Variants in KCNQ1 observed in about 807,000 individuals in gnomAD.
KCNQ1 encodes potassium voltage-gated channel subfamily Q member 1.
Under a neutral mutation model 72.4 loss-of-function variants are expected in KCNQ1, and 49 were observed. The observed-to-expected ratio is 0.68, with a 90% CI of 0.54 to 0.86. The LOEUF is 0.86. Ranked by LOEUF, KCNQ1 falls within the 40% of genes least tolerant of loss-of-function variation. The probability of loss-of-function intolerance (pLI) is 0.00; values close to 1 mark genes in which losing one functional copy is unlikely to be tolerated. For missense variants in KCNQ1, 790 were observed against 945.1 expected, an observed-to-expected ratio of 0.84 and a Z score of 2.15; for synonymous variants, 450 against 412.6, an observed-to-expected ratio of 1.09 and a Z score of -1.10.
intron 15 of KCNQ1, among the ~76,000 whole-genome samples, chr11:2,805,288 C>A (rs1168337004): frequency 6.6e-6 from 1 of 152,214 alleles, no homozygotes; most frequent in African/African-American, 2.4e-5. Context: ...CTGCACAGGG[C>A]CCCTCCCTGC....
Position 2,653,586 on chromosome 11 carries a change from CT to C in KCNQ1, c.1394-8373del, listed in dbSNP as rs1290763436. The C allele has an allele frequency of 1.0e-5, 4 of 398,612 alleles. No individual in the cohort carries two copies. The highest frequency in any genetic ancestry group is 1.8e-5 in the Non-Finnish European group (4 of 226,142). 24.7% of individuals were successfully genotyped at this position (398,612 alleles called of 1,614,324 possible). A position where few individuals can be genotyped will look rare whatever the true frequency, so the allele number is the denominator to read the frequency against. Reference sequence around the variant, plus strand: ...GTTCCCTCTTTTGTTCTCCCTTTCCCTTGCTCTCTATCCATTGGCCCCATGG... The same window carrying C: ...GTTCCCTCTTTTGTTCTCCCTTTCCCTGCTCTCTATCCATTGGCCCCATGG... On this transcript the variant is annotated intron_variant, in intron 10 of 15. Transcript: ENST00000155840. The surrounding 1 kb of genome is among the most constrained non-coding windows in gnomAD (Gnocchi z 5.3).
At chr11:2,596,142 A>G (rs1848730011) in intron 10 of KCNQ1, among the ~76,000 whole-genome samples, 1 of 152,232 alleles carries the variant, frequency 6.6e-6, no homozygotes, top group South Asian at 2.1e-4. Flanking sequence ...CCACGGCCCA[A>G]TTATTATATT....
rs759261605 is a variant in KCNQ1 at position 2,602,014 on chromosome 11, G to C, written c.1393+13160G>C. Among the ~76,000 whole-genome samples the C allele has an allele frequency of 6.6e-6, 1 of 152,122 alleles. No individual in the cohort carries two copies. Among genetic ancestry groups the C allele is most frequent in the African/African-American group, 2.4e-5 (1 of 41,400 alleles). On this transcript the variant is annotated intron_variant, in intron 10 of 15. Transcript: ENST00000155840. The surrounding 1 kb of genome is among the most constrained non-coding windows in gnomAD (Gnocchi z 4.8). ...CATCCTGGGTTATCTGAATGGGCCC[G>C]GTGTAATCACAAGGGTCCTTATAAC...
chr11:2,692,209 C>A, intron 11 of KCNQ1: 1 of 398,894 alleles, frequency 2.5e-6, no homozygotes, highest in Admixed American at 4.4e-5. Flanking sequence ...TTCCGATACA[C>A]CCGCTTCCTC....
chr11:2,657,710 T>G lies in KCNQ1; in HGVS notation c.1394-4251T>G. ...GTTCCAAGATCCCATCTAGGATCGA[T>G]CATTACATTTATTGTCATCTCTGAT... On this transcript the variant is annotated intron_variant, in intron 10 of 15. Transcript: ENST00000155840. The surrounding 1 kb of genome is among the most constrained non-coding windows in gnomAD (Gnocchi z 4.8). 2.5e-6 allele frequency: 1 copy of G among 398,680 alleles called. No homozygotes were observed. 24.7% of individuals were successfully genotyped at this position (398,680 alleles called of 1,614,324 possible). A position where few individuals can be genotyped will look rare whatever the true frequency, so the allele number is the denominator to read the frequency against.
At chr11:2,807,367 C>G (rs994575304) in intron 15 of KCNQ1, among the ~76,000 whole-genome samples, 1 of 152,146 alleles carries the variant, frequency 6.6e-6, no homozygotes, top group Non-Finnish European at 1.5e-5. Flanking sequence ...CTTTGATGTC[C>G]GGGACCAGAT....
chr11:2,571,225 C>T lies in KCNQ1; in HGVS notation c.605-100C>T, dbSNP rs962403786. The T allele has an allele frequency of 9.1e-6, 9 of 994,308 alleles. No individual in the cohort carries two copies. The African/African-American group carries it at 1.3e-4, about 14-fold the overall frequency. 61.6% of individuals were successfully genotyped at this position (994,308 alleles called of 1,614,324 possible). On this transcript the variant is annotated intron_variant, in intron 3 of 15. Transcript: ENST00000155840. ...GGTCATCAGGGCGTGACCCGTCTGA[C>T]CAGCAAGCCCCTTCCCCAGACGAGA...
intron 11 of KCNQ1, among the ~76,000 whole-genome samples, chr11:2,736,310 G>A (rs770819334): frequency 3.9e-5 from 6 of 152,262 alleles, no homozygotes; most frequent in Admixed American, 6.5e-5. Context: ...AGCTTGGGCC[G>A]TATCTGGGAT....
chr11:2,514,119 C>T (rs576942026), intron 1 of KCNQ1, among the ~76,000 whole-genome samples: 14 of 152,356 alleles, frequency 9.2e-5, no homozygotes, highest in East Asian at 5.8e-4. Context: ...TGGCCCTCCA[C>T]GGAGTGGGAG....
chr11:2,496,306 G>A (rs1198553169), intron 1 of KCNQ1, among the ~76,000 whole-genome samples: 2 of 151,822 alleles, frequency 1.3e-5, no homozygotes, highest in East Asian at 1.9e-4. Flanking sequence ...GCATGGTGGC[G>A]GGCACCTGTA....
At chr11:2,684,237 C>G (rs1850447483) in intron 11 of KCNQ1, 1 of 398,564 alleles carries the variant, frequency 2.5e-6, no homozygotes, top group Non-Finnish European at 4.4e-6. Flanking sequence ...CTGACCCTAC[C>G]CAGTACCTTC....
intron 15 of KCNQ1, among the ~76,000 whole-genome samples, chr11:2,829,388 G>A (rs879799138): frequency 6.6e-6 from 1 of 152,154 alleles, no homozygotes; most frequent in Non-Finnish European, 1.5e-5. Flanking sequence ...CTTACAGAAA[G>A]TTCAAGAATG....
chr11:2,525,901 C>A (rs1847494827), intron 1 of KCNQ1, among the ~76,000 whole-genome samples: 1 of 152,210 alleles, frequency 6.6e-6, no homozygotes, highest in Non-Finnish European at 1.5e-5. Context: ...CCCACAGCCC[C>A]ACTCTTGGGG....
rs1850508070 is a variant in KCNQ1 at position 2,687,359 on chromosome 11, C to T, written c.1514+25278C>T. 1 of 398,576 alleles carries T rather than the reference C, an allele frequency of 2.5e-6. No individual in the cohort carries two copies. Among genetic ancestry groups the T allele is most frequent in the African/African-American group, 2.1e-5 (1 of 48,640 alleles). The allele number at this position is 398,576 out of a possible 1,614,324, so 24.7% of individuals were successfully genotyped here. ...CAGAGGCTGAGGTAGCCAGGTCTGC[C>T]TTGGGCTGTCACTCAGGGCTGAGCT... On this transcript the variant is annotated intron_variant, in intron 11 of 15. Coordinates refer to ENST00000155840, the MANE Select transcript of KCNQ1 (RefSeq NM_000218.3). This position sits in a 1 kb window ranked among gnomAD's most constrained non-coding sequence, Gnocchi z 5.0.
rs1229942664 is a variant in KCNQ1, at chr11:2,682,477, A to AGTGAGTGG, written c.1514+20403_1514+20404insGGTGAGTG. ...ACGGACCCTCAGTGAATGTTTGACGAGTGAGTGAGTGAGTGAGTGAGTGAG... is the reference window on the plus strand; with the variant it reads ...ACGGACCCTCAGTGAATGTTTGACGAGTGAGTGGGTGAGTGAGTGAGTGAGTGAGTGAG... On this transcript the variant is annotated intron_variant, in intron 11 of 15. Transcript: ENST00000155840. The surrounding 1 kb of genome is among the most constrained non-coding windows in gnomAD (Gnocchi z 5.8). 2.6e-6 allele frequency: 1 copy of AGTGAGTGG among 378,510 alleles called. No individual in the cohort carries two copies. Among genetic ancestry groups the AGTGAGTGG allele is most frequent in the Non-Finnish European group, 4.7e-6 (1 of 212,344 alleles). The allele number at this position is 378,510 out of a possible 1,614,324, so 23.4% of individuals were successfully genotyped here.
In KCNQ1 at chr11:2,583,710, C is replaced by T. The variant is rs143907769; in HGVS notation, c.1032+165C>T. On this transcript the variant is annotated intron_variant, in intron 7 of 15. Transcript: ENST00000155840. ...AGAGCCCCACCTGCCCTCCCTGGGG[C>T]CCTGGATGCAGACTTCCCGTTTGCA... Among the ~76,000 whole-genome samples the T allele has an allele frequency of 5.2e-3, 797 of 152,346 alleles. 3 individuals carry two copies. Among genetic ancestry groups the T allele is most frequent in the African/African-American group, 0.015 (623 of 41,590 alleles).
At chr11:2,729,055 T>C (rs1845809084) in intron 11 of KCNQ1, among the ~76,000 whole-genome samples, 1 of 152,220 alleles carries the variant, frequency 6.6e-6, no homozygotes, top group Non-Finnish European at 1.5e-5. Context: ...AGCCCGTTTA[T>C]GTAGCACACT....
rs777986556 is a variant in KCNQ1 at position 2,813,888 on chromosome 11, C to T, written c.1795-33879C>T. 4.0e-5 allele frequency among the ~76,000 whole-genome samples: 6 copies of T among 151,072 alleles called. No homozygotes were observed. The East Asian group carries it at 5.9e-4, about 15-fold the overall frequency. On this transcript the variant is annotated intron_variant, in intron 15 of 15. Coordinates refer to ENST00000155840, the MANE Select transcript of KCNQ1 (RefSeq NM_000218.3). The surrounding 1 kb of genome is among the most constrained non-coding windows in gnomAD (Gnocchi z 4.4). ...GGAGGGAGGGTTGCAGAAAGGGATG[C>T]GTGGAAGGATGGTTGATGGATGGAT...
At chr11:2,650,988 C>G (rs1035145438) in intron 10 of KCNQ1, 1 of 398,662 alleles carries the variant, frequency 2.5e-6, no homozygotes, top group African/African-American at 2.1e-5. Flanking sequence ...TATCAACTCT[C>G]TGGATTTGCC....
Sources: allele counts gnomAD v4.1 joint callset (sites outside exome capture counted in the v4.1 genomes callset), GRCh38; gene constraint gnomAD v4.1.1; non-coding constraint Gnocchi (gnomAD v3.1); transcripts MANE v1.5; gene names NCBI Gene and HGNC (gene_info 2026-07-23, HGNC 2026-07-21).